PRUNE2: variants seen among roughly 807,000 people sequenced by gnomAD.
PRUNE2 encodes the protein prune homolog 2 with BCH domain, also known as protein prune homolog 2.
PRUNE2 carries 164 observed loss-of-function variants against 252.0 expected under a neutral mutation model. The observed-to-expected ratio is 0.65, with a 90% CI of 0.57 to 0.74. The LOEUF (loss-of-function observed/expected upper bound fraction) is 0.74. PRUNE2 is among the 30% of genes least tolerant of loss of function. The pLI is 0.00. For synonymous variants in PRUNE2, 1,292 were observed against 1,350.2 expected (o/e 0.96, Z 0.94); for missense variants, 3,495 against 3,711.0 (o/e 0.94, Z 1.51).
At chr9:76,682,299 T>C (rs1453942729) in intron 9 of PRUNE2, among the ~76,000 whole-genome samples, 2 of 151,196 alleles carry the variant, frequency 1.3e-5, no homozygotes, top group Non-Finnish European at 2.9e-5. Flanking sequence ...TAGAATTATA[T>C]ATGATAGAAA....
chr9:76,703,628 G>A lies in PRUNE2; in HGVS notation c.7985C>T (p.Pro2662Leu), dbSNP rs570111379. 4.7e-5 allele frequency: 75 copies of A among 1,612,454 alleles called. No homozygotes were observed. Among genetic ancestry groups the A allele is most frequent in the African/African-American group, 6.7e-5 (5 of 75,008 alleles). The part of the protein sequence containing the change: ...GPGWSGKTVE[P>L]FSELGLGEGP... Reference sequence around the variant, plus strand: ...CTCACCCAAGCCGAGTTCAGAGAACGGCTCCACAGTCTTGCCAGACCACCC... The same window carrying A: ...CTCACCCAAGCCGAGTTCAGAGAACAGCTCCACAGTCTTGCCAGACCACCC... The change falls in exon 9 of 19, where the codon CCG (proline) becomes CTG (leucine). Residue 2662 changes from proline to leucine, a missense_variant. By Grantham distance (98) the Pro-to-Leu change is moderately conservative. Coordinates refer to ENST00000376718, the MANE Select transcript of PRUNE2 (RefSeq NM_015225.3).
Position 76,614,514 on chromosome 9 carries a change from T to C in PRUNE2, c.*56A>G. The C allele has an allele frequency of 6.9e-7, 1 of 1,439,572 alleles. No homozygotes were observed. The highest frequency in any genetic ancestry group is 9.8e-7 in the Non-Finnish European group (1 of 1,021,934). The allele number at this position is 1,439,572 out of a possible 1,614,324, so 89.2% of individuals were successfully genotyped here. On this transcript the variant is annotated 3_prime_UTR_variant, in exon 19 of 19. Coordinates refer to ENST00000376718, the MANE Select transcript of PRUNE2 (RefSeq NM_015225.3). ...ATCAGCCCTGTCTCTTTCAGGTAGA[T>C]ATGTTTCAACAGAACCATGAACCAG...
At chr9:76,755,749 C>G (rs1398894966) in intron 6 of PRUNE2, among the ~76,000 whole-genome samples, 1 of 152,152 alleles carries the variant, frequency 6.6e-6, no homozygotes, top group Non-Finnish European at 1.5e-5. Context: ...TCACCCCAGG[C>G]TGGAGTGCAG....
intron 3 of PRUNE2, 137 bp downstream of exon 3, chr9:76,850,326 C>T (rs1207715994): frequency 1.0e-5 from 7 of 694,830 alleles, no homozygotes; most frequent in African/African-American, 1.8e-5. Flanking sequence ...GGATTATAGG[C>T]GTGAGCCACC....
rs2055323534 is a variant in PRUNE2 at position 76,789,241 on chromosome 9, T to C, written c.756+34391A>G. On this transcript the variant is annotated intron_variant, in intron 6 of 18. Coordinates refer to ENST00000376718, the MANE Select transcript of PRUNE2 (RefSeq NM_015225.3). Reference sequence around the variant, plus strand: ...TTTGATAGTGTTTTACCTGTGACGATGGGCTTCATATCCACTGACCTTTCA... The same window carrying C: ...TTTGATAGTGTTTTACCTGTGACGACGGGCTTCATATCCACTGACCTTTCA... Among the ~76,000 whole-genome samples the C allele has an allele frequency of 3.9e-5, 6 of 152,232 alleles. No individual in the cohort carries two copies. In the South Asian group the frequency reaches 1.0e-3, roughly 26 times the overall value.
chr9:76,706,799 A>G lies in PRUNE2; in HGVS notation c.5475T>C (p.Asp1825=), dbSNP rs2046346343. 1 of 1,606,640 alleles carries G rather than the reference A, an allele frequency of 6.2e-7. No homozygotes were observed. The highest frequency in any genetic ancestry group is 2.2e-5 in the East Asian group (1 of 44,814). Residue 1825 remains aspartate (D), a synonymous_variant, in exon 8 of 19, where the codon GAT becomes GAC. Transcript: ENST00000376718. ...GTGAGGCCTTCCACCACTCAGTGCT[A>G]TCAGCTGAGAAGCCCAGCATTTCCA... ...SQLEMLGFSA[D]STEWWKASPQ...
chr9:76,821,887 C>A (rs2058055351), intron 6 of PRUNE2, among the ~76,000 whole-genome samples: 1 of 152,074 alleles, frequency 6.6e-6, no homozygotes, highest in Non-Finnish European at 1.5e-5. Flanking sequence ...TATGAATAGC[C>A]TTAAAATAAT....
intron 9 of PRUNE2, among the ~76,000 whole-genome samples, chr9:76,668,108 A>G (rs1173003465): frequency 6.6e-6 from 1 of 152,244 alleles, no homozygotes; most frequent in Non-Finnish European, 1.5e-5. Context: ...AGGAATATAA[A>G]TTGAGGTACA....
chr9:76,872,281 T>C (rs1322979213), intron 1 of PRUNE2, among the ~76,000 whole-genome samples: 1 of 152,114 alleles, frequency 6.6e-6, no homozygotes, highest in Non-Finnish European at 1.5e-5. Flanking sequence ...TAGAAACGTC[T>C]CTTCTAAGAA....
chr9:76,631,113 C>G (rs1169781052), intron 15 of PRUNE2, among the ~76,000 whole-genome samples: 1 of 152,222 alleles, frequency 6.6e-6, no homozygotes, highest in Non-Finnish European at 1.5e-5. Flanking sequence ...TTCTGTCCCT[C>G]CTGATAAGTC....
chr9:76,887,703 T>C (rs1040339536), intron 1 of PRUNE2, among the ~76,000 whole-genome samples: 3 of 152,232 alleles, frequency 2.0e-5, no homozygotes, highest in Non-Finnish European at 4.4e-5. Flanking sequence ...CTTCTACCCA[T>C]GAGAGCAGCA....
At chr9:76,700,547 G>A (rs1368006518) in intron 9 of PRUNE2, among the ~76,000 whole-genome samples, 1 of 151,898 alleles carries the variant, frequency 6.6e-6, no homozygotes. Flanking sequence ...CTTTCCTTTA[G>A]TGACTTTCAT....
chr9:76,832,490 G>C (rs2058722838), intron 4 of PRUNE2, among the ~76,000 whole-genome samples: 1 of 151,994 alleles, frequency 6.6e-6, no homozygotes, highest in South Asian at 2.1e-4. Context: ...CATGGTAAAA[G>C]AAGAAATCAC....
intron 1 of PRUNE2, among the ~76,000 whole-genome samples, chr9:76,875,827 T>C (rs1352053759): frequency 6.6e-6 from 1 of 152,216 alleles, no homozygotes; most frequent in Non-Finnish European, 1.5e-5. Flanking sequence ...CCTTTCTTCC[T>C]ATCTATGTCC....
intron 1 of PRUNE2, among the ~76,000 whole-genome samples, chr9:76,890,763 T>TA (rs5898514): frequency 0.44 from 67,012 of 150,744 alleles, 15,032 homozygotes; most frequent in African/African-American, 0.51. Flanking sequence ...CAGACTTCTC[T>TA]AAAAAAAAAA....
chr9:76,655,597 C>A, intron 9 of PRUNE2, 95 bp from the exon 10 acceptor site: 1 of 899,340 alleles, frequency 1.1e-6, no homozygotes, highest in South Asian at 1.4e-5. Context: ...ATAACATTTT[C>A]AACTCACTTA....
intron 1 of PRUNE2, among the ~76,000 whole-genome samples, chr9:76,865,862 CAT>C (rs1044058183): frequency 6.7e-6 from 1 of 149,934 alleles, no homozygotes; most frequent in African/African-American, 2.5e-5. Context: ...AGCATTATGA[CAT>C]GTGCATTATG....
intron 3 of PRUNE2, among the ~76,000 whole-genome samples, chr9:76,848,700 T>C (rs1186780173): frequency 6.6e-6 from 1 of 152,206 alleles, no homozygotes; most frequent in Non-Finnish European, 1.5e-5. Context: ...TCAGTAGCAG[T>C]GGAAAGCTTA....
chr9:76,663,683 A>T (rs975606557), intron 9 of PRUNE2, among the ~76,000 whole-genome samples: 2 of 152,224 alleles, frequency 1.3e-5, no homozygotes, highest in Admixed American at 1.3e-4. Flanking sequence ...GAATAGAAGG[A>T]AAGCCTACAT....
Sources: allele counts gnomAD v4.1 joint callset (sites outside exome capture counted in the v4.1 genomes callset), GRCh38; gene constraint gnomAD v4.1.1; transcripts MANE v1.5; gene names NCBI Gene and HGNC (gene_info 2026-07-23, HGNC 2026-07-21).